The following CC2D1A variants were observed in gnomAD, a reference collection of about 807,000 sequenced individuals.
The protein encoded by CC2D1A is coiled-coil and C2 domain containing 1A.
In CC2D1A, 68 loss-of-function variants were observed where a neutral mutation model predicts 123.8. The ratio of observed to expected loss-of-function variants is 0.55; its 90% CI spans 0.45 to 0.67. CC2D1A has a LOEUF of 0.67. Ranked by LOEUF, CC2D1A falls within the 30% of genes least tolerant of loss-of-function variation. The probability of loss-of-function intolerance (pLI) is 0.00; values close to 1 mark genes in which losing one functional copy is unlikely to be tolerated. For synonymous variants in CC2D1A, 477 were observed against 528.0 expected (o/e 0.90, Z 1.32); for missense variants, 1,185 against 1,290.3 (o/e 0.92, Z 1.25).
At position 13,927,998 on chromosome 19, in the gene CC2D1A, G is replaced by A; in HGVS notation, c.2422G>A (p.Val808Ile). Residue 808 changes from valine (V) to isoleucine (I), a missense_variant, in exon 23 of 29, where the codon GTC (valine) becomes ATC (isoleucine). Val to Ile is a conservative substitution (Grantham distance 29, BLOSUM62 3). Transcript: ENST00000318003. ...GGAGACGACGACAGAGAGGTGGCTG[G>A]TCATTGACCCTGTGCCGGCAGCTGT... Reference protein sequence around the residue: ...QLETTTERWLVIDPVPAAVPT... With the variant: ...QLETTTERWLIIDPVPAAVPT... The A allele has an allele frequency of 6.2e-7, 1 of 1,613,698 alleles. No individual in the cohort carries two copies. Among genetic ancestry groups the A allele is most frequent in the Non-Finnish European group, 8.5e-7 (1 of 1,179,866 alleles).
In CC2D1A at chr19:13,906,521, C is replaced by A; in HGVS notation, c.60+20C>A. The A allele has an allele frequency of 2.0e-6, 3 of 1,467,004 alleles. No individual in the cohort carries two copies. The highest frequency in any genetic ancestry group is 1.3e-5 in the South Asian group (1 of 76,742). 90.9% of individuals were successfully genotyped at this position (1,467,004 alleles called of 1,614,324 possible). On this transcript the variant is annotated intron_variant, in intron 1 of 28. Coordinates refer to ENST00000318003, the MANE Select transcript of CC2D1A (RefSeq NM_017721.5). This position sits in a 1 kb window ranked among gnomAD's most constrained non-coding sequence, Gnocchi z 4.1. ...CGCCAGGTGAGTTTGCGCCCCACGGCCCGACCTGGGGATCCCTCCCCACCC... is the reference window on the plus strand; with the variant it reads ...CGCCAGGTGAGTTTGCGCCCCACGGACCGACCTGGGGATCCCTCCCCACCC...
chr19:13,915,019 C>T (rs1299756207), intron 6 of CC2D1A, among the ~76,000 whole-genome samples: 1 of 152,220 alleles, frequency 6.6e-6, no homozygotes, highest in Non-Finnish European at 1.5e-5. Context: ...AAAGCAAACA[C>T]TGGGTCACTA....
In CC2D1A at chr19:13,928,180, A is replaced by G. The variant is rs768200819; in HGVS notation, c.2511A>G (p.Ser837=). Reference sequence around the variant, plus strand: ...CTGTGCCTGCCCCTGCAAGGGAGTCAGGGAACAGGTAGGTATCTGGGCCAG... The same window carrying G: ...CTGTGCCTGCCCCTGCAAGGGAGTCGGGGAACAGGTAGGTATCTGGGCCAG... The part of the protein sequence containing the change: ...APPVPAPARE[S]GNRSARPLHS... The change falls in exon 24 of 29, where the codon TCA becomes TCG. Residue 837 remains serine, a synonymous_variant. Coordinates refer to ENST00000318003, the MANE Select transcript of CC2D1A (RefSeq NM_017721.5). 17 of 1,613,228 alleles carry G rather than the reference A, an allele frequency of 1.1e-5. No homozygotes were observed. The African/African-American group carries it at 2.0e-4, about 19-fold the overall frequency.
chr19:13,929,973 AT>A (rs2145386084), intron 26 of CC2D1A, 104 bp from the exon 27 acceptor site: 1 of 917,686 alleles, frequency 1.1e-6, no homozygotes, highest in Admixed American at 3.3e-5. Context: ...GGGCTCGGGG[AT>A]GGGCACCTGG....
intron 2 of CC2D1A, among the ~76,000 whole-genome samples, chr19:13,911,483 G>A (rs1055795791): frequency 1.3e-5 from 2 of 151,838 alleles, no homozygotes; most frequent in African/African-American, 2.4e-5. Context: ...ATCACTTGCC[G>A]AAGTTCTCAC....
At chr19:13,909,612 C>A (rs1231438197) in intron 1 of CC2D1A, 5 of 666,104 alleles carry the variant, frequency 7.5e-6, no homozygotes, top group South Asian at 1.5e-5. Flanking sequence ...GGGTCTCTTG[C>A]CCTTTGCCCC....
Position 13,923,285 on chromosome 19 carries a change from G to A in CC2D1A, c.1642-48G>A, listed in dbSNP as rs1285488427. 6.4e-7 allele frequency: 1 copy of A among 1,569,768 alleles called. No homozygotes were observed. Among genetic ancestry groups the A allele is most frequent in the Middle Eastern group, 2.3e-4 (1 of 4,414 alleles). On this transcript the variant is annotated intron_variant, in intron 14 of 28. Coordinates refer to ENST00000318003, the MANE Select transcript of CC2D1A (RefSeq NM_017721.5). This position sits in a 1 kb window ranked among gnomAD's most constrained non-coding sequence, Gnocchi z 5.3. ...ATGACATTTCTGCAGAGCCCTAGGT[G>A]GGCCTGCTTGTCCTCCTTACCCCCG...
intron 6 of CC2D1A, among the ~76,000 whole-genome samples, chr19:13,917,076 A>T (rs559365825): frequency 4.4e-4 from 67 of 152,366 alleles, no homozygotes; most frequent in African/African-American, 1.5e-3. Context: ...GCTTTCAAAC[A>T]CACAGCTATA....
At chr19:13,929,098 G>A (rs2145378104) in intron 24 of CC2D1A, among the ~76,000 whole-genome samples, 1 of 151,356 alleles carries the variant, frequency 6.6e-6, no homozygotes, top group Middle Eastern at 3.4e-3. Context: ...CCAGCTCCCA[G>A]GTTCAAGCAA....
At chr19:13,919,616 C>T (rs1471469688) in intron 11 of CC2D1A, 3 of 427,870 alleles carry the variant, frequency 7.0e-6, no homozygotes, top group Non-Finnish European at 1.2e-5. Flanking sequence ...TGCACACCTG[C>T]AGTCCCACTC....
chr19:13,927,251 C>T lies in CC2D1A; in HGVS notation c.2302C>T (p.Arg768Trp), dbSNP rs760169254. Residue 768 changes from arginine (R) to tryptophan (W), a missense_variant, in exon 22 of 29, where the codon CGG becomes TGG. Arg to Trp is a moderately radical substitution (Grantham distance 101). Coordinates refer to ENST00000318003, the MANE Select transcript of CC2D1A (RefSeq NM_017721.5). ...LDALEIACEV[R>W]EILEVLDGRR... ...TGCACTGGAGATAGCATGTGAGGTC[C>T]GGGAGATCCTTGAGGTGAGAGGTGG... The T allele has an allele frequency of 3.3e-5, 53 of 1,613,754 alleles. No individual in the cohort carries two copies. The highest frequency in any genetic ancestry group is 5.5e-5 in the South Asian group (5 of 91,086).
Position 13,919,693 on chromosome 19 carries a change from A to C in CC2D1A, c.1223-125A>C, listed in dbSNP as rs186559658. On this transcript the variant is annotated intron_variant, in intron 11 of 28. Transcript: ENST00000318003. ...ATCCTGTCTCAAAAAAAAAAAAATT[A>C]ATTAATTAAAAAAAGTAAAGGCCCA... 2,203 of 995,586 alleles carry C rather than the reference A, an allele frequency of 2.2e-3. 5 individuals are homozygous for C. Among genetic ancestry groups the C allele is most frequent in the Non-Finnish European group, 2.7e-3 (1,990 of 733,644 alleles). 61.7% of individuals were successfully genotyped at this position (995,586 alleles called of 1,614,324 possible).
intron 17 of CC2D1A, among the ~76,000 whole-genome samples, chr19:13,924,505 T>TG (rs770746091): frequency 4.6e-5 from 7 of 152,038 alleles, no homozygotes; most frequent in Non-Finnish European, 1.0e-4. Context: ...AGTCTCACTT[T>TG]GTCACCCAGG....
Position 13,929,360 on chromosome 19 carries a change from T to G in CC2D1A, c.2520-19T>G. 1 of 1,613,092 alleles carries G rather than the reference T, an allele frequency of 6.2e-7. No individual in the cohort carries two copies. The highest frequency in any genetic ancestry group is 8.5e-7 in the Non-Finnish European group (1 of 1,179,590). ...CTGGGGGAATCTCTGCAGTCCCTTA[T>G]CCTTCCTCCACCCCTTAGATCAGCC... On this transcript the variant is annotated intron_variant, in intron 24 of 28. Transcript: ENST00000318003.
intron 26 of CC2D1A, 55 bp downstream of exon 26, chr19:13,929,715 G>A (rs565864709): frequency 1.1e-5 from 13 of 1,214,412 alleles, no homozygotes; most frequent in Admixed American, 2.4e-5. Flanking sequence ...ATAGGCATGG[G>A]GGGGGAGGTG....
At chr19:13,926,621 A>T (rs1330346849) in intron 18 of CC2D1A, 31 bp downstream of exon 18, 29 of 1,614,024 alleles carry the variant, frequency 1.8e-5, no homozygotes, top group African/African-American at 4.0e-5. Flanking sequence ...GGTCAGGGTC[A>T]TGGGGACCCC....
At chr19:13,927,795 A>C (rs879165576) in intron 22 of CC2D1A, 98 bp from the exon 23 acceptor site, 591 of 1,233,678 alleles carry the variant, frequency 4.8e-4, no homozygotes, top group African/African-American at 5.9e-4. Context: ...AAAAAAAAAA[A>C]CCAAAAAAAA....
rs1212621128 is a variant in CC2D1A at position 13,913,423 on chromosome 19, C to T, written c.533C>T (p.Ala178Val). The stretch of plus-strand genomic sequence containing the variant: ...TCTTAGACACTGGAAAACCTGCTCG[C>T]CTCCATCCGTAAGGGCAATGCCATT... ...RGLKTLENLL[A>V]SIRKGNAIDE... is the part of the protein sequence containing the mutation. Residue 178 changes from alanine (A) to valine (V), a missense_variant, in exon 6 of 29, where the codon GCC becomes GTC. Transcript: ENST00000318003. 6.2e-7 allele frequency: 1 copy of T among 1,614,100 alleles called. No homozygotes were observed. The highest frequency in any genetic ancestry group is 2.2e-5 in the East Asian group (1 of 44,884).
intron 11 of CC2D1A, 78 bp downstream of exon 11, chr19:13,919,280 C>T: frequency 3.5e-6 from 4 of 1,137,048 alleles, no homozygotes; most frequent in East Asian, 2.6e-5. Flanking sequence ...CCGCCGCTGG[C>T]AGGCTGTGCC....
Sources: gnomAD v4.1 joint callset for allele counts (sites outside exome capture counted in the v4.1 genomes callset) on GRCh38, gnomAD v4.1.1 for gene constraint, Gnocchi (gnomAD v3.1) non-coding constraint, MANE v1.5 for transcripts, NCBI Gene and HGNC (gene_info 2026-07-23, HGNC 2026-07-21) for gene names.